Variants in NFX1 observed in about 807,000 individuals in gnomAD.
NFX1 encodes transcriptional repressor NF-X1.
NFX1 carries 69 observed loss-of-function variants against 137.2 expected under a neutral mutation model. That is an observed-to-expected ratio of 0.50 (90% CI 0.41 to 0.61). The LOEUF is 0.61. Among genes scored for constraint, NFX1 ranks in the 20% least tolerant of loss-of-function variants. The pLI, the probability that NFX1 is intolerant of heterozygous loss-of-function variation, is 0.00. For missense variants in NFX1, 1,167 were observed against 1,391.0 expected (o/e 0.84, Z 2.56); for synonymous variants, 495 against 474.1 (o/e 1.04, Z -0.57).
In NFX1 at chr9:33,343,078, C is replaced by T. The variant is rs555600514; in HGVS notation, c.2224+224C>T. Among the ~76,000 whole-genome samples the T allele has an allele frequency of 5.9e-5, 9 of 152,196 alleles. No individual in the cohort carries two copies. In the East Asian group the frequency reaches 1.3e-3, roughly 23 times the overall value. The stretch of plus-strand genomic sequence containing the variant: ...AGTGATCCTGAGATGGGGCCTAGTT[C>T]GTTAATAGATTCCTTCTCTGCTACA... On this transcript the variant is annotated intron_variant, in intron 13 of 23. Transcript: ENST00000379540.
chr9:33,361,666 G>A (rs1354686045), intron 19 of NFX1, among the ~76,000 whole-genome samples: 1 of 151,930 alleles, frequency 6.6e-6, no homozygotes, highest in African/African-American at 2.4e-5. Flanking sequence ...CCAGCTACTC[G>A]GGAGGCTGAG....
At chr9:33,301,218 T>A in intron 2 of NFX1, 45 bp from the exon 3 acceptor site, 2 of 1,563,864 alleles carry the variant, frequency 1.3e-6, no homozygotes, top group Non-Finnish European at 1.8e-6. Flanking sequence ...GGAATGGTTT[T>A]TTGTGTTTGA....
intron 7 of NFX1, 39 bp downstream of exon 7, chr9:33,313,832 T>C (rs1284662442): frequency 2.5e-6 from 4 of 1,594,554 alleles, no homozygotes; most frequent in Non-Finnish European, 3.4e-6. Flanking sequence ...GCTTGTGTTC[T>C]TTTCTGGAAC....
At chr9:33,315,588 CCA>C (rs1047162358) in intron 7 of NFX1, among the ~76,000 whole-genome samples, 2 of 152,064 alleles carry the variant, frequency 1.3e-5, no homozygotes, top group Non-Finnish European at 2.9e-5. Flanking sequence ...TGCTCAGAGA[CCA>C]CACATCCTCT....
intron 16 of NFX1, chr9:33,352,018 G>A (rs1823655278): frequency 1.6e-5 from 8 of 491,290 alleles, no homozygotes; most frequent in Non-Finnish European, 2.9e-5. Context: ...CACAGTCTGT[G>A]TCTCCCTTGG....
chr9:33,362,587 A>G (rs1824029564), intron 19 of NFX1, among the ~76,000 whole-genome samples: 1 of 151,672 alleles, frequency 6.6e-6, no homozygotes, highest in Non-Finnish European at 1.5e-5. Flanking sequence ...AGAGTAGACC[A>G]GTGTTGTCTG....
intron 19 of NFX1, among the ~76,000 whole-genome samples, chr9:33,356,301 C>T (rs537844477): frequency 2.5e-4 from 38 of 152,074 alleles, no homozygotes; most frequent in Non-Finnish European, 8.8e-5. Context: ...TGTACAAGTC[C>T]TTTGCTTATT....
intron 15 of NFX1, chr9:33,348,138 C>G (rs1400641218): frequency 1.3e-5 from 2 of 152,034 alleles, no homozygotes; most frequent in Non-Finnish European, 2.9e-5. Context: ...ATTATGAGGT[C>G]GGGAGTTCGA....
chr9:33,366,502 G>T, intron 21 of NFX1, 127 bp from the exon 22 acceptor site: 1 of 1,110,878 alleles, frequency 9.0e-7, no homozygotes, highest in Non-Finnish European at 1.3e-6. Context: ...TTAGTAAAAT[G>T]CTCTATGCTG....
chr9:33,352,235 T>G (rs1289002064), intron 16 of NFX1, among the ~76,000 whole-genome samples: 1 of 152,100 alleles, frequency 6.6e-6, no homozygotes. Context: ...GTTTAAGCCT[T>G]GTGGAGGGGG....
intron 9 of NFX1, among the ~76,000 whole-genome samples, chr9:33,325,132 C>T (rs2118440321): frequency 6.6e-6 from 1 of 152,136 alleles, no homozygotes; most frequent in African/African-American, 2.4e-5. Context: ...TATTGAAAAA[C>T]ACTACACATC....
At chr9:33,307,059 T>G in intron 4 of NFX1, 135 bp from the exon 5 acceptor site, 1 of 551,892 alleles carries the variant, frequency 1.8e-6, no homozygotes, top group Non-Finnish European at 3.2e-6. Context: ...TTTTAAGATA[T>G]GGGATAATAC....
chr9:33,345,743 G>A (rs1823399917), intron 14 of NFX1, among the ~76,000 whole-genome samples: 1 of 152,100 alleles, frequency 6.6e-6, no homozygotes, highest in South Asian at 2.1e-4. Context: ...TCAATTGAGT[G>A]TCCTGTTACA....
intron 19 of NFX1, among the ~76,000 whole-genome samples, chr9:33,356,991 C>CA (rs371390697): frequency 0.21 from 21,173 of 102,432 alleles, 1,915 homozygotes; most frequent in East Asian, 0.3. Flanking sequence ...AATGCTGTCT[C>CA]AAAAAAAAAA....
At chr9:33,295,493 A>T (rs2118173062) in intron 2 of NFX1, 66 bp downstream of exon 2, 1 of 1,452,640 alleles carries the variant, frequency 6.9e-7, no homozygotes, top group Non-Finnish European at 9.2e-7. Context: ...TAAGTCATAT[A>T]TTCACATAAT....
At position 33,342,737 on chromosome 9, in the gene NFX1, T is replaced by C; in HGVS notation, c.2116-9T>C. On this transcript the variant is annotated splice_polypyrimidine_tract_variant and intron_variant, in intron 12 of 23. Coordinates refer to ENST00000379540, the MANE Select transcript of NFX1 (RefSeq NM_002504.6). ...CATTTTATGAACAAATATAAATCTCTTTTCCCAGGATAAGGAGCACAAGTG... is the reference window on the plus strand; with the variant it reads ...CATTTTATGAACAAATATAAATCTCCTTTCCCAGGATAAGGAGCACAAGTG... 6.3e-7 allele frequency: 1 copy of C among 1,586,902 alleles called. No individual in the cohort carries two copies. Among genetic ancestry groups the C allele is most frequent in the Non-Finnish European group, 8.6e-7 (1 of 1,166,126 alleles).
At chr9:33,352,361 G>A (rs796792172) in intron 16 of NFX1, 7 of 539,932 alleles carry the variant, frequency 1.3e-5, no homozygotes, top group African/African-American at 1.1e-4. Flanking sequence ...TAGGGCAAGT[G>A]TCTGTCTCTG....
chr9:33,312,224 GT>G (rs1821987537), intron 6 of NFX1, among the ~76,000 whole-genome samples: 1 of 152,210 alleles, frequency 6.6e-6, no homozygotes, highest in Non-Finnish European at 1.5e-5. Flanking sequence ...ACATGTAAGT[GT>G]TTTGACTCAG....
intron 11 of NFX1, among the ~76,000 whole-genome samples, chr9:33,337,007 C>T (rs1823030527): frequency 6.6e-6 from 1 of 152,034 alleles, no homozygotes; most frequent in African/African-American, 2.4e-5. Context: ...GAGGCTGAGG[C>T]AAGAGAATCG....
Sources: gnomAD v4.1 joint callset for allele counts (sites outside exome capture counted in the v4.1 genomes callset) on GRCh38, gnomAD v4.1.1 for gene constraint, MANE v1.5 for transcripts, NCBI Gene and HGNC (gene_info 2026-07-23, HGNC 2026-07-21) for gene names.